The following FBXL13 variants were observed in gnomAD, a reference collection of about 807,000 sequenced individuals.
FBXL13 encodes F-box and leucine-rich repeat protein 13.
A neutral mutation model predicts 83.6 loss-of-function variants in FBXL13; 67 were observed. The observed-to-expected ratio is 0.80, with a 90% CI of 0.66 to 0.98. The LOEUF (loss-of-function observed/expected upper bound fraction) is 0.98. FBXL13 is among the 50% of genes least tolerant of loss of function. The pLI is 0.00. For missense variants in FBXL13, 822 were observed against 866.5 expected (o/e 0.95, Z 0.64); for synonymous variants, 272 against 299.5 (o/e 0.91, Z 0.95).
chr7:102,865,777 C>T (rs1807554816), intron 16 of FBXL13, among the ~76,000 whole-genome samples: 1 of 152,002 alleles, frequency 6.6e-6, no homozygotes, highest in Admixed American at 6.6e-5. Flanking sequence ...ATCTCTTGAC[C>T]TCGTGATCCG....
intron 2 of FBXL13, among the ~76,000 whole-genome samples, chr7:103,040,500 C>T (rs1336859084): frequency 2.6e-5 from 4 of 152,178 alleles, no homozygotes; most frequent in Non-Finnish European, 4.4e-5. Context: ...GAACTCCACA[C>T]CCCAAATCAA....
chr7:102,847,336 C>G (rs1055520368), intron 17 of FBXL13, among the ~76,000 whole-genome samples: 1 of 152,100 alleles, frequency 6.6e-6, no homozygotes, highest in African/African-American at 2.4e-5. Flanking sequence ...ATGTAAGAGG[C>G]AGAATTGGAA....
intron 6 of FBXL13, among the ~76,000 whole-genome samples, chr7:102,990,156 C>A (rs925056180): frequency 2.0e-5 from 3 of 152,182 alleles, no homozygotes; most frequent in Non-Finnish European, 4.4e-5. Flanking sequence ...GGGTGAAAGC[C>A]TAGCTGTGAC....
At chr7:102,831,054 C>T (rs1416753227) in intron 18 of FBXL13, among the ~76,000 whole-genome samples, 1 of 152,080 alleles carries the variant, frequency 6.6e-6, no homozygotes, top group Non-Finnish European at 1.5e-5. Context: ...TGTTGGGAAC[C>T]ACCCCTGTCA....
At chr7:102,828,220 G>C (rs1800072552) in intron 18 of FBXL13, among the ~76,000 whole-genome samples, 1 of 152,108 alleles carries the variant, frequency 6.6e-6, no homozygotes, top group Admixed American at 6.6e-5. Context: ...CATGAGCATG[G>C]AATGTTCTTC....
rs984738964 is a variant in FBXL13, at chr7:102,818,307, G to A, written c.2018+3733C>T. Among the ~76,000 whole-genome samples the A allele has an allele frequency of 5.3e-5, 8 of 152,238 alleles. No individual in the cohort carries two copies. In the East Asian group the frequency reaches 1.3e-3, roughly 26 times the overall value. ...GCGAAGAGCAGCACAGTATGATTAA[G>A]ACCTAGGTACAAAGTATGGCTCTCC... On this transcript the variant is annotated intron_variant, in intron 19 of 19. Coordinates refer to ENST00000313221, the Ensembl canonical transcript of FBXL13.
At chr7:102,928,029 G>C (rs1354359978) in intron 9 of FBXL13, among the ~76,000 whole-genome samples, 4 of 152,158 alleles carry the variant, frequency 2.6e-5, no homozygotes, top group African/African-American at 9.7e-5. Context: ...GAAAATGTGG[G>C]GACCAGGAAG....
chr7:102,838,922 G>A (rs1421643563), intron 17 of FBXL13, among the ~76,000 whole-genome samples: 2 of 152,192 alleles, frequency 1.3e-5, no homozygotes, highest in African/African-American at 2.4e-5. Flanking sequence ...CCCCCAGCCC[G>A]ACACCCGTGA....
At chr7:102,951,633 G>T (rs889716680) in intron 8 of FBXL13, among the ~76,000 whole-genome samples, 4 of 151,426 alleles carry the variant, frequency 2.6e-5, no homozygotes, top group African/African-American at 9.7e-5. Context: ...CATAGTCAGA[G>T]CCCGTCTCTA....
At chr7:102,971,076 T>C (rs530890447) in intron 6 of FBXL13, among the ~76,000 whole-genome samples, 4 of 152,276 alleles carry the variant, frequency 2.6e-5, no homozygotes, top group East Asian at 3.9e-4. Flanking sequence ...GGCAACACTT[T>C]TCAGATTCAA....
At chr7:102,845,713 TC>T (rs1177467323) in intron 17 of FBXL13, among the ~76,000 whole-genome samples, 1 of 152,216 alleles carries the variant, frequency 6.6e-6, no homozygotes, top group Non-Finnish European at 1.5e-5. Context: ...CAGGTTGCTA[TC>T]CTGTCACCCC....
intron 18 of FBXL13, among the ~76,000 whole-genome samples, chr7:102,825,655 C>T (rs1799499425): frequency 6.6e-6 from 1 of 152,150 alleles, no homozygotes; most frequent in African/African-American, 2.4e-5. Context: ...ATCTATAATG[C>T]TATCTACAAT....
At chr7:103,024,652 A>G (rs1010876137) in intron 6 of FBXL13, among the ~76,000 whole-genome samples, 4 of 150,760 alleles carry the variant, frequency 2.7e-5, no homozygotes, top group African/African-American at 9.7e-5. Context: ...TATTGCCAAT[A>G]TAAAGAGCTA....
chr7:102,865,261 T>G (rs1807457839), intron 16 of FBXL13, among the ~76,000 whole-genome samples: 1 of 152,268 alleles, frequency 6.6e-6, no homozygotes, highest in Non-Finnish European at 1.5e-5. Context: ...TTTCACATGC[T>G]TCTTTCTGAA....
chr7:103,025,532 G>A (rs946601367), intron 5 of FBXL13, among the ~76,000 whole-genome samples: 36 of 152,108 alleles, frequency 2.4e-4, no homozygotes, highest in African/African-American at 8.0e-4. Flanking sequence ...CAAGGCTCTG[G>A]CAATGATAAA....
At chr7:102,951,375 C>CTAAATAAATAAATAAATAAATAAATAAA (rs71106701) in intron 8 of FBXL13, among the ~76,000 whole-genome samples, 1 of 133,904 alleles carries the variant, frequency 7.5e-6, no homozygotes, top group African/African-American at 2.8e-5. Flanking sequence ...GACTCCATCT[C>CTAAATAAATAAATAAATAAATAAATAAA]TAAATAAATA....
intron 8 of FBXL13, among the ~76,000 whole-genome samples, chr7:102,954,685 G>A (rs1823967645): frequency 6.6e-6 from 1 of 152,120 alleles, no homozygotes; most frequent in Admixed American, 6.6e-5. Flanking sequence ...TCAAAATAAA[G>A]GGATGCGGGA....
intron 17 of FBXL13, among the ~76,000 whole-genome samples, chr7:102,853,324 T>C (rs1805544953): frequency 1.3e-5 from 2 of 152,042 alleles, no homozygotes; most frequent in African/African-American, 2.4e-5. Context: ...CAAAAACCTA[T>C]GGAAATAAGA....
chr7:102,992,695 CTCCAG>C (rs1438480487), intron 6 of FBXL13, among the ~76,000 whole-genome samples: 1 of 152,162 alleles, frequency 6.6e-6, no homozygotes, highest in Non-Finnish European at 1.5e-5. Context: ...GCCTCAACCT[CTCCAG>C]ACTTAAGCAA....
Sources: allele counts gnomAD v4.1 joint callset (sites outside exome capture counted in the v4.1 genomes callset), GRCh38; gene constraint gnomAD v4.1.1; transcripts MANE v1.5; gene names NCBI Gene and HGNC (gene_info 2026-07-23, HGNC 2026-07-21).